KCNH7: variants seen among roughly 807,000 people sequenced by gnomAD.
KCNH7 encodes the protein voltage-gated inwardly rectifying potassium channel KCNH7.
In KCNH7, 49 loss-of-function variants were observed where a neutral mutation model predicts 120.8. That is an observed-to-expected ratio of 0.41 (90% CI 0.32 to 0.51). The LOEUF is 0.51. Among genes scored for constraint, KCNH7 ranks in the 20% least tolerant of loss-of-function variants. KCNH7 has a pLI of 0.38. For missense variants in KCNH7, 1,097 were observed against 1,446.6 expected, an observed-to-expected ratio of 0.76 and a Z score of 3.92; for synonymous variants, 547 against 516.1, an observed-to-expected ratio of 1.06 and a Z score of -0.81.
In KCNH7 at chr2:162,392,652, A is replaced by G. The variant is rs535138414; in HGVS notation, c.2710+1737T>C. The stretch of plus-strand genomic sequence containing the variant: ...TCCACTTTCACGGAACTTATGATCT[A>G]GAGGCAGACAACATTGATTAAATAA... On this transcript the variant is annotated intron_variant, in intron 12 of 15. Coordinates refer to ENST00000332142, the MANE Select transcript of KCNH7 (RefSeq NM_033272.4). Among the ~76,000 whole-genome samples the G allele has an allele frequency of 9.2e-5, 14 of 152,142 alleles. No homozygotes were observed. In the South Asian group the frequency reaches 2.9e-3, roughly 31 times the overall value.
At chr2:162,386,732 A>G (rs1322131701) in intron 12 of KCNH7, among the ~76,000 whole-genome samples, 1 of 151,884 alleles carries the variant, frequency 6.6e-6, no homozygotes, top group Non-Finnish European at 1.5e-5. Context: ...CAATGAATTT[A>G]CATCACAAAT....
At chr2:162,674,168 C>A (rs557935417) in intron 2 of KCNH7, among the ~76,000 whole-genome samples, 8 of 151,690 alleles carry the variant, frequency 5.3e-5, no homozygotes, top group Non-Finnish European at 1.5e-5. Context: ...AGTTTAGTAT[C>A]TTTGCTGAGT....
chr2:162,543,741 T>C (rs1265133523), intron 2 of KCNH7, among the ~76,000 whole-genome samples: 1 of 152,114 alleles, frequency 6.6e-6, no homozygotes, highest in African/African-American at 2.4e-5. Context: ...AAGACTCAGA[T>C]TCCTCATCTA....
At chr2:162,703,520 T>C (rs1471073147) in intron 2 of KCNH7, among the ~76,000 whole-genome samples, 2 of 152,162 alleles carry the variant, frequency 1.3e-5, no homozygotes, top group Non-Finnish European at 2.9e-5. Context: ...GTTTGATGAA[T>C]GTATGAAATG....
At chr2:162,740,227 A>C (rs907950223) in intron 2 of KCNH7, among the ~76,000 whole-genome samples, 4 of 152,188 alleles carry the variant, frequency 2.6e-5, no homozygotes, top group Non-Finnish European at 5.9e-5. Context: ...GGTGAAGAAA[A>C]AGTAGGAGTC....
At chr2:162,769,941 G>A (rs1237693986) in intron 2 of KCNH7, among the ~76,000 whole-genome samples, 1 of 151,932 alleles carries the variant, frequency 6.6e-6, no homozygotes, top group Non-Finnish European at 1.5e-5. Flanking sequence ...TTAACCCTTT[G>A]GGATTTTTAG....
At chr2:162,670,365 T>C (rs10199720) in intron 2 of KCNH7, among the ~76,000 whole-genome samples, 23,856 of 148,576 alleles carry the variant, frequency 0.16, 2,217 homozygotes, top group East Asian at 0.46. Context: ...TCTTAGCTAC[T>C]CGGGAGTCTG....
chr2:162,644,516 G>T (rs12469794), intron 2 of KCNH7, among the ~76,000 whole-genome samples: 16,481 of 151,920 alleles, frequency 0.11, 1,666 homozygotes, highest in East Asian at 0.28. Flanking sequence ...TAACCAAAAC[G>T]GTACTTCAGT....
intron 2 of KCNH7, among the ~76,000 whole-genome samples, chr2:162,811,111 T>C (rs946294329): frequency 6.6e-6 from 1 of 152,164 alleles, no homozygotes; most frequent in Non-Finnish European, 1.5e-5. Flanking sequence ...TAGATGCTGG[T>C]CTTATGTCCC....
At chr2:162,520,730 C>T (rs1257090300) in intron 3 of KCNH7, among the ~76,000 whole-genome samples, 5 of 151,872 alleles carry the variant, frequency 3.3e-5, no homozygotes, top group Non-Finnish European at 5.9e-5. Context: ...GATTGAGCCA[C>T]TGCACTCCAG....
At chr2:162,707,094 C>A (rs1686734526) in intron 2 of KCNH7, among the ~76,000 whole-genome samples, 2 of 152,028 alleles carry the variant, frequency 1.3e-5, no homozygotes, top group African/African-American at 4.8e-5. Context: ...CAAAGAACAT[C>A]ATTTATTCTC....
At position 162,811,247 on chromosome 2, in the gene KCNH7, G is replaced by T. The variant is rs1362564877; in HGVS notation, c.307+25290C>A. Among the ~76,000 whole-genome samples, 3 of 152,122 alleles carry T rather than the reference G, an allele frequency of 2.0e-5. No individual in the cohort carries two copies. The East Asian group carries it at 5.8e-4, about 29-fold the overall frequency. On this transcript the variant is annotated intron_variant, in intron 2 of 15. Transcript: ENST00000332142. ...TTTAAACATAAATTTTAAAAAATCT[G>T]TCTAGCAAGTAATTGGAGTAATCAG...
At chr2:162,757,878 C>A (rs1688842024) in intron 2 of KCNH7, among the ~76,000 whole-genome samples, 1 of 152,056 alleles carries the variant, frequency 6.6e-6, no homozygotes, top group African/African-American at 2.4e-5. Context: ...ATATGCACAG[C>A]CATCCAATTC....
chr2:162,676,652 T>C (rs1422109527), intron 2 of KCNH7, among the ~76,000 whole-genome samples: 2 of 151,506 alleles, frequency 1.3e-5, no homozygotes, highest in Admixed American at 1.3e-4. Context: ...TCTGGAACTT[T>C]TGAGGCAATT....
At chr2:162,480,472 T>A (rs1397749464) in intron 6 of KCNH7, among the ~76,000 whole-genome samples, 1 of 152,172 alleles carries the variant, frequency 6.6e-6, no homozygotes, top group African/African-American at 2.4e-5. Flanking sequence ...CTTTCCTTTC[T>A]CCTGCCATCC....
chr2:162,694,935 G>A (rs1217637388), intron 2 of KCNH7, among the ~76,000 whole-genome samples: 1 of 151,924 alleles, frequency 6.6e-6, no homozygotes, highest in African/African-American at 2.4e-5. Context: ...TAGAGATGGG[G>A]TTTCACCATA....
At chr2:162,387,131 C>A (rs34960521) in intron 12 of KCNH7, among the ~76,000 whole-genome samples, 2,861 of 149,688 alleles carry the variant, frequency 0.019, 43 homozygotes, top group Non-Finnish European at 0.029. Context: ...GAAAAAAAAA[C>A]CCACCTTTAT....
chr2:162,669,899 A>G (rs948276063), intron 2 of KCNH7, among the ~76,000 whole-genome samples: 2 of 150,952 alleles, frequency 1.3e-5, no homozygotes, highest in Admixed American at 6.6e-5. Flanking sequence ...CAGGAGTTCA[A>G]GAGCAGCCTG....
intron 6 of KCNH7, among the ~76,000 whole-genome samples, chr2:162,469,766 G>A (rs1319497771): frequency 6.6e-6 from 1 of 151,372 alleles, no homozygotes; most frequent in African/African-American, 2.4e-5. Context: ...AGCTGAAGCT[G>A]GACTGTGCTG....
Sources: allele counts gnomAD v4.1 joint callset (sites outside exome capture counted in the v4.1 genomes callset), GRCh38; gene constraint gnomAD v4.1.1; transcripts MANE v1.5; gene names NCBI Gene and HGNC (gene_info 2026-07-23, HGNC 2026-07-21).